FHIT: variants seen among roughly 807,000 people sequenced by gnomAD.
FHIT encodes fragile histidine triad diadenosine triphosphatase, also known as bis(5'-adenosyl)-triphosphatase.
In FHIT, 19 loss-of-function variants were observed where a neutral mutation model predicts 17.9. That is an observed-to-expected ratio of 1.06 (90% confidence interval 0.74 to 1.56). The LOEUF is 1.56. FHIT is among the 40% of genes most tolerant of loss of function. The probability of loss-of-function intolerance (pLI) is 0.00; values close to 1 mark genes in which losing one functional copy is unlikely to be tolerated. For synonymous variants in FHIT, 81 were observed against 69.7 expected (o/e 1.16, Z -0.81); for missense variants, 248 against 189.2 (o/e 1.31, Z -1.82).
intron 4 of FHIT, among the ~76,000 whole-genome samples, chr3:60,721,373 A>G (rs2041805616): frequency 6.6e-6 from 1 of 151,744 alleles, no homozygotes; most frequent in African/African-American, 2.4e-5. Context: ...ATATTGCCAA[A>G]GAAGCTTTAT....
intron 2 of FHIT, among the ~76,000 whole-genome samples, chr3:61,171,147 T>C (rs2037991858): frequency 6.6e-6 from 1 of 152,242 alleles, no homozygotes; most frequent in Admixed American, 6.5e-5. Context: ...GTAGCCATTC[T>C]GACTGGTGTG....
chr3:61,218,917 C>T (rs562402692), intron 1 of FHIT, among the ~76,000 whole-genome samples: 1 of 152,312 alleles, frequency 6.6e-6, no homozygotes, highest in East Asian at 1.9e-4. Context: ...AATAAACACT[C>T]ATGTGTCACT....
intron 7 of FHIT, 79 bp from the exon 8 acceptor site, chr3:59,922,493 G>T: frequency 8.5e-7 from 1 of 1,179,760 alleles, no homozygotes; most frequent in Non-Finnish European, 1.2e-6. Context: ...CTCTCATGAA[G>T]CCCAATTACT....
intron 5 of FHIT, among the ~76,000 whole-genome samples, chr3:60,375,087 T>C (rs926619502): frequency 1.4e-4 from 19 of 140,612 alleles, no homozygotes; most frequent in African/African-American, 4.1e-4. Context: ...TCAAGAATCA[T>C]TCCTTTTGCT....
At chr3:60,071,157 G>A (rs930166915) in intron 5 of FHIT, among the ~76,000 whole-genome samples, 1 of 152,074 alleles carries the variant, frequency 6.6e-6, no homozygotes, top group Non-Finnish European at 1.5e-5. Context: ...AGCCACATGC[G>A]GCTCCTGAGC....
intron 5 of FHIT, among the ~76,000 whole-genome samples, chr3:60,425,685 A>G (rs967537138): frequency 2.0e-5 from 3 of 152,140 alleles, no homozygotes; most frequent in Non-Finnish European, 4.4e-5. Context: ...AAACTCCTCA[A>G]AAAGGTCACA....
At chr3:61,006,360 T>C (rs1466679749) in intron 3 of FHIT, among the ~76,000 whole-genome samples, 1 of 152,136 alleles carries the variant, frequency 6.6e-6, no homozygotes, top group Non-Finnish European at 1.5e-5. Context: ...TTATTAAAAA[T>C]TATTCTGTCA....
In FHIT at chr3:59,922,422, T is replaced by C. The variant is rs780479180; in HGVS notation, c.280-8A>G. The C allele has an allele frequency of 3.7e-6, 6 of 1,612,084 alleles. No individual in the cohort carries two copies. In the Admixed American group the frequency reaches 1.0e-4, roughly 27 times the overall value. The stretch of plus-strand genomic sequence containing the variant: ...AACATGGACGTGAACGTGCTGAAAA[T>C]GTACAAGAAAGAAAAAAAATGTGAT... On this transcript the variant is annotated splice_region_variant and splice_polypyrimidine_tract_variant and intron_variant, in intron 7 of 9. Coordinates refer to ENST00000492590, the MANE Select transcript of FHIT (RefSeq NM_002012.4).
chr3:60,924,449 G>A (rs552277880), intron 3 of FHIT, among the ~76,000 whole-genome samples: 6 of 152,278 alleles, frequency 3.9e-5, no homozygotes, highest in South Asian at 4.2e-4. Flanking sequence ...GGCAAACAGG[G>A]TCTAGAGTGG....
chr3:59,927,474 A>AAAAAC (rs568545573), intron 7 of FHIT, among the ~76,000 whole-genome samples: 95 of 151,106 alleles, frequency 6.3e-4, no homozygotes, highest in African/African-American at 2.0e-3. Flanking sequence ...AAAAAAAAAA[A>AAAAAC]AAAAAACTGA....
At chr3:59,908,645 C>G (rs183584525) in intron 8 of FHIT, among the ~76,000 whole-genome samples, 1 of 152,042 alleles carries the variant, frequency 6.6e-6, no homozygotes, top group Non-Finnish European at 1.5e-5. Context: ...CTACCCCACA[C>G]GACATGTTGC....
intron 5 of FHIT, among the ~76,000 whole-genome samples, chr3:60,133,309 C>T (rs1481334638): frequency 6.6e-6 from 1 of 152,104 alleles, no homozygotes. Context: ...TCTTCCCTTG[C>T]TAATAAAATA....
intron 3 of FHIT, among the ~76,000 whole-genome samples, chr3:60,862,215 A>T (rs1274119386): frequency 6.6e-6 from 1 of 152,038 alleles, no homozygotes; most frequent in African/African-American, 2.4e-5. Context: ...GTCTTGTTCT[A>T]TTGCCCAGGC....
At chr3:60,755,802 C>T (rs144150728) in intron 4 of FHIT, among the ~76,000 whole-genome samples, 1 of 152,154 alleles carries the variant, frequency 6.6e-6, no homozygotes, top group African/African-American at 2.4e-5. Flanking sequence ...CTCTGAAGTC[C>T]CAGCAAGGAG....
chr3:60,932,297 G>A (rs991891749), intron 3 of FHIT, among the ~76,000 whole-genome samples: 1 of 152,058 alleles, frequency 6.6e-6, no homozygotes, highest in African/African-American at 2.4e-5. Flanking sequence ...TATCCAAGCT[G>A]GTGTTCTGAT....
At chr3:60,461,670 T>G (rs2032478322) in intron 5 of FHIT, among the ~76,000 whole-genome samples, 1 of 152,210 alleles carries the variant, frequency 6.6e-6, no homozygotes, top group Non-Finnish European at 1.5e-5. Context: ...CTTCTGCAAG[T>G]TACTTCCATG....
chr3:59,884,703 G>A (rs1481424132), intron 8 of FHIT, among the ~76,000 whole-genome samples: 1 of 152,148 alleles, frequency 6.6e-6, no homozygotes, highest in Non-Finnish European at 1.5e-5. Flanking sequence ...TCACGCTATG[G>A]GACAGTAGGA....
At chr3:60,898,239 G>A (rs531013481) in intron 3 of FHIT, among the ~76,000 whole-genome samples, 2 of 152,008 alleles carry the variant, frequency 1.3e-5, no homozygotes, top group African/African-American at 2.4e-5. Flanking sequence ...GTATTATACT[G>A]TATAAAGACA....
At chr3:60,920,158 C>G (rs1009030437) in intron 3 of FHIT, among the ~76,000 whole-genome samples, 2 of 152,036 alleles carry the variant, frequency 1.3e-5, no homozygotes, top group African/African-American at 4.8e-5. Context: ...ATAACAGTAT[C>G]CACTATAAGG....
Sources: gnomAD v4.1 joint callset for allele counts (sites outside exome capture counted in the v4.1 genomes callset) on GRCh38, gnomAD v4.1.1 for gene constraint, MANE v1.5 for transcripts, NCBI Gene and HGNC (gene_info 2026-07-23, HGNC 2026-07-21) for gene names.